SNAP25: variants seen among roughly 807,000 people sequenced by gnomAD.
The protein encoded by SNAP25 is synaptosomal-associated protein 25.
Under a neutral mutation model 28.7 loss-of-function variants are expected in SNAP25, and 3 were observed. That is an observed-to-expected ratio of 0.10 (90% confidence interval 0.05 to 0.27). SNAP25 has a LOEUF of 0.27. Ranked by LOEUF, SNAP25 falls within the 10% of genes least tolerant of loss-of-function variation. SNAP25 has a pLI of 1.00. For synonymous variants in SNAP25, 61 were observed against 88.1 expected (o/e 0.69, Z 1.72); for missense variants, 117 against 278.7 (o/e 0.42, Z 4.13).
At chr20:10,238,043 T>C (rs1484685033) in intron 1 of SNAP25, among the ~76,000 whole-genome samples, 1 of 152,182 alleles carries the variant, frequency 6.6e-6, no homozygotes, top group Non-Finnish European at 1.5e-5. Context: ...GGGCTATCCC[T>C]CTTATCCTCC....
At chr20:10,280,208 A>C (rs1019353376) in intron 3 of SNAP25, among the ~76,000 whole-genome samples, 2 of 152,176 alleles carry the variant, frequency 1.3e-5, no homozygotes, top group African/African-American at 2.4e-5. Flanking sequence ...CACCATCCTT[A>C]ACAGACTCCA....
intron 4 of SNAP25, among the ~76,000 whole-genome samples, chr20:10,292,692 C>G (rs2064024587): frequency 6.6e-6 from 1 of 152,174 alleles, no homozygotes; most frequent in African/African-American, 2.4e-5. Context: ...GTATTTTGAG[C>G]ATCGTTTGGT....
At chr20:10,258,187 A>G (rs1005922497) in intron 1 of SNAP25, among the ~76,000 whole-genome samples, 11 of 152,192 alleles carry the variant, frequency 7.2e-5, no homozygotes, top group Admixed American at 5.9e-4. Flanking sequence ...TTCCTGTGTG[A>G]TAGAAAAAGC....
At chr20:10,297,191 C>T (rs919366547) in intron 6 of SNAP25, 141 bp downstream of exon 6, 9 of 1,157,878 alleles carry the variant, frequency 7.8e-6, no homozygotes, top group Non-Finnish European at 6.8e-6. Context: ...CTAAGCCTTT[C>T]CTGGACCTTG....
chr20:10,285,925 A>G (rs1388331056), intron 4 of SNAP25, among the ~76,000 whole-genome samples: 1 of 152,234 alleles, frequency 6.6e-6, no homozygotes, highest in Non-Finnish European at 1.5e-5. Flanking sequence ...ATGTTGGGAA[A>G]ACAGAAACTC....
At chr20:10,237,278 A>G (rs1326860647) in intron 1 of SNAP25, among the ~76,000 whole-genome samples, 1 of 152,174 alleles carries the variant, frequency 6.6e-6, no homozygotes, top group Non-Finnish European at 1.5e-5. Flanking sequence ...AAGCTGGAGT[A>G]TTATGCACCA....
At chr20:10,257,344 G>A (rs1032418967) in intron 1 of SNAP25, among the ~76,000 whole-genome samples, 14 of 152,220 alleles carry the variant, frequency 9.2e-5, no homozygotes, top group Non-Finnish European at 2.1e-4. Context: ...GTTGAGGCAG[G>A]TGGATCACTT....
intron 4 of SNAP25, among the ~76,000 whole-genome samples, chr20:10,287,847 G>A (rs368600060): frequency 2.1e-4 from 32 of 151,832 alleles, no homozygotes; most frequent in Admixed American, 5.3e-4. Flanking sequence ...TGATGAGTTC[G>A]TGTCCTTTGT....
chr20:10,304,176 T>C (rs2064302204), intron 7 of SNAP25, among the ~76,000 whole-genome samples: 1 of 152,230 alleles, frequency 6.6e-6, no homozygotes, highest in African/African-American at 2.4e-5. Context: ...TTTCTCCATT[T>C]ATTAGTACTA....
intron 2 of SNAP25, among the ~76,000 whole-genome samples, chr20:10,277,370 T>G (rs2063708768): frequency 6.6e-6 from 1 of 152,242 alleles, no homozygotes; most frequent in Non-Finnish European, 1.5e-5. Context: ...ATTGAGATAA[T>G]TTTTCATGCA....
chr20:10,262,156 G>A (rs776171855), intron 1 of SNAP25, among the ~76,000 whole-genome samples: 6 of 152,154 alleles, frequency 3.9e-5, no homozygotes, highest in Non-Finnish European at 7.4e-5. Context: ...TATAAAAATA[G>A]CAATTGTCTG....
chr20:10,277,877 G>A, intron 3 of SNAP25, 151 bp downstream of exon 3: 1 of 688,216 alleles, frequency 1.5e-6, no homozygotes, highest in Non-Finnish European at 2.4e-6. Flanking sequence ...GGGAGATGCT[G>A]TATTTAAGTT....
chr20:10,260,724 AACAC>A (rs368209820), intron 1 of SNAP25, among the ~76,000 whole-genome samples: 1 of 78,414 alleles, frequency 1.3e-5, no homozygotes, highest in Non-Finnish European at 3.0e-5. Context: ...CACACACACA[AACAC>A]ACACACACAC....
In SNAP25 at chr20:10,245,321, G is replaced by T. The variant is rs189910431; in HGVS notation, c.-64+26344G>T. On this transcript the variant is annotated intron_variant, in intron 1 of 7. Coordinates refer to ENST00000254976, the MANE Select transcript of SNAP25 (RefSeq NM_130811.4). ...CTTTGGTTTTAGGGAGGTTGGAGCT[G>T]GCAGGGTGTCTCTTTCAATAACTGG... is the stretch of plus-strand genomic sequence containing the variant. Among the ~76,000 whole-genome samples the T allele has an allele frequency of 3.3e-5, 5 of 152,256 alleles. No homozygotes were observed. In the East Asian group the frequency reaches 9.7e-4, roughly 29 times the overall value.
intron 1 of SNAP25, among the ~76,000 whole-genome samples, chr20:10,247,647 G>A (rs1179551447): frequency 6.6e-6 from 1 of 152,108 alleles, no homozygotes; most frequent in Non-Finnish European, 1.5e-5. Flanking sequence ...TGCTCTACTT[G>A]CTGCCTGCTG....
chr20:10,227,576 T>C (rs1003247097), intron 1 of SNAP25, among the ~76,000 whole-genome samples: 12 of 152,174 alleles, frequency 7.9e-5, no homozygotes, highest in African/African-American at 2.7e-4. Flanking sequence ...TTACCCTAAC[T>C]AGCTGCCAAA....
chr20:10,233,185 C>T (rs983235531), intron 1 of SNAP25, among the ~76,000 whole-genome samples: 3 of 152,110 alleles, frequency 2.0e-5, no homozygotes, highest in Admixed American at 2.0e-4. Context: ...ATATTATGTG[C>T]ACAGATATAT....
intron 1 of SNAP25, among the ~76,000 whole-genome samples, chr20:10,263,415 T>G (rs951797854): frequency 1.3e-5 from 2 of 152,030 alleles, no homozygotes; most frequent in African/African-American, 2.4e-5. Flanking sequence ...CCCAATAACA[T>G]TGACTACTGA....
At chr20:10,298,222 T>TA (rs73618114) in intron 6 of SNAP25, among the ~76,000 whole-genome samples, 16,812 of 152,156 alleles carry the variant, frequency 0.11, 1,180 homozygotes, top group East Asian at 0.18. Context: ...GTGATTCTGA[T>TA]ATGCACTCAG....
Sources: allele counts gnomAD v4.1 joint callset (sites outside exome capture counted in the v4.1 genomes callset), GRCh38; gene constraint gnomAD v4.1.1; transcripts MANE v1.5; gene names NCBI Gene and HGNC (gene_info 2026-07-23, HGNC 2026-07-21).